The following ALMS1 variants were observed in gnomAD, a reference collection of about 807,000 sequenced individuals.
The protein encoded by ALMS1 is centrosome-associated protein ALMS1.
In ALMS1, 271 loss-of-function variants were observed where a neutral mutation model predicts 352.2. The ratio of observed to expected loss-of-function variants is 0.77; its 90% CI spans 0.70 to 0.85. The LOEUF is 0.85. ALMS1 is among the 40% of genes least tolerant of loss of function. ALMS1 has a pLI of 0.00. For synonymous variants in ALMS1, 1,865 were observed against 1,761.2 expected (o/e 1.06, Z -1.48); for missense variants, 5,445 against 4,870.7 (o/e 1.12, Z -3.51).
intron 10 of ALMS1, among the ~76,000 whole-genome samples, chr2:73,514,470 G>A (rs1055834643): frequency 6.6e-6 from 1 of 151,854 alleles, no homozygotes. Context: ...TTGTGCTTTT[G>A]TTGTCATATA....
At position 73,450,287 on chromosome 2, in the gene ALMS1, C is replaced by T. The variant is rs1437977599; in HGVS notation, c.3760C>T (p.Pro1254Ser). The T allele has an allele frequency of 6.2e-7, 1 of 1,613,868 alleles. No individual in the cohort carries two copies. The highest frequency in any genetic ancestry group is 1.1e-5 in the South Asian group (1 of 91,066). Reference protein sequence around the residue: ...KPGIFYQQVLPDNHPTEEALK... With the variant: ...KPGIFYQQVLSDNHPTEEALK... ...TGGTATTTTCTACCAACAGGTCTTGCCAGATAATCATCCAACTGAAGAGGC... is the reference window on the plus strand; with the variant it reads ...TGGTATTTTCTACCAACAGGTCTTGTCAGATAATCATCCAACTGAAGAGGC... The change falls in exon 8 of 23, where the codon CCA (proline) becomes TCA (serine). Residue 1254 changes from proline (P) to serine (S), a missense_variant. Transcript: ENST00000613296.
intron 20 of ALMS1, 67 bp downstream of exon 20, chr2:73,602,435 G>C: frequency 1.9e-6 from 3 of 1,596,214 alleles, no homozygotes; most frequent in South Asian, 2.2e-5. Flanking sequence ...CTCTGCTGCA[G>C]AGCCCTGCTA....
intron 9 of ALMS1, among the ~76,000 whole-genome samples, chr2:73,478,467 A>G (rs1004980541): frequency 1.3e-5 from 2 of 152,178 alleles, no homozygotes; most frequent in Non-Finnish European, 2.9e-5. Flanking sequence ...ACTCATGCAT[A>G]CTTTTAAGAG....
At chr2:73,542,277 A>T (rs1168315438) in intron 12 of ALMS1, among the ~76,000 whole-genome samples, 1 of 152,222 alleles carries the variant, frequency 6.6e-6, no homozygotes, top group African/African-American at 2.4e-5. Context: ...CCACATGATT[A>T]TCTCAATAGA....
At position 73,451,213 on chromosome 2, in the gene ALMS1, C is replaced by T. The variant is rs1314976773; in HGVS notation, c.4686C>T (p.Gly1562=). The change falls in exon 8 of 23, where the codon GGC becomes GGT. Residue 1562 remains glycine, a synonymous_variant. Coordinates refer to ENST00000613296, the MANE Select transcript of ALMS1 (RefSeq NM_001378454.1). The part of the protein sequence containing the change: ...SAPGPADQTT[G]IPTITSTSYS... ...CTGGACCAGCTGACCAGACAACTGG[C>T]ATACCAACCATAACCTCTACTTCCT... 1.9e-6 allele frequency: 3 copies of T among 1,612,420 alleles called. No homozygotes were observed. Among genetic ancestry groups the T allele is most frequent in the Admixed American group, 3.3e-5 (2 of 59,854 alleles).
chr2:73,426,388 G>A (rs1036831180), intron 5 of ALMS1, 65 bp from the exon 6 acceptor site: 42 of 1,526,926 alleles, frequency 2.8e-5, no homozygotes, highest in South Asian at 1.3e-4. Flanking sequence ...AAAGTCCTTC[G>A]TGTGTGGGAG....
At chr2:73,399,788 A>G (rs1219890836) in intron 1 of ALMS1, among the ~76,000 whole-genome samples, 1 of 151,992 alleles carries the variant, frequency 6.6e-6, no homozygotes, top group African/African-American at 2.4e-5. Flanking sequence ...TTTTTTGTAG[A>G]TACTCTATGT....
At chr2:73,598,508 T>G (rs1238011112) in intron 16 of ALMS1, among the ~76,000 whole-genome samples, 2 of 152,226 alleles carry the variant, frequency 1.3e-5, no homozygotes, top group African/African-American at 4.8e-5. Context: ...CCCAAAATTC[T>G]GTTACAAGTT....
chr2:73,552,380 G>T (rs11679594), intron 13 of ALMS1, among the ~76,000 whole-genome samples: 1 of 152,058 alleles, frequency 6.6e-6, no homozygotes, highest in Non-Finnish European at 1.5e-5. Context: ...AATCCGTTAC[G>T]TGTTTTCCAC....
intron 21 of ALMS1, among the ~76,000 whole-genome samples, chr2:73,604,506 A>C (rs1675772646): frequency 6.6e-6 from 1 of 152,206 alleles, no homozygotes; most frequent in Admixed American, 6.5e-5. Flanking sequence ...TTCATTGGAC[A>C]CTTGCTTTAA....
intron 1 of ALMS1, among the ~76,000 whole-genome samples, chr2:73,389,662 A>G (rs1670602658): frequency 1.3e-5 from 2 of 152,190 alleles, no homozygotes; most frequent in South Asian, 4.1e-4. Context: ...AATGTGAGAA[A>G]ATTATTTTCC....
chr2:73,414,789 G>C (rs1379009217), intron 2 of ALMS1, among the ~76,000 whole-genome samples: 1 of 151,540 alleles, frequency 6.6e-6, no homozygotes, highest in African/African-American at 2.4e-5. Flanking sequence ...TTAAACCTTA[G>C]AATCAGAATT....
In ALMS1 at chr2:73,484,906, G is replaced by C. The variant is rs188340015; in HGVS notation, c.7675-4728G>C. 7.5e-3 allele frequency among the ~76,000 whole-genome samples: 1,144 copies of C among 152,228 alleles called. 30 individuals are homozygous for C. In the East Asian group the frequency reaches 0.12, roughly 15 times the overall value. ...TCTGCATTCTTCACATAGTTCTCGA[G>C]CCTTGTTTTTCAGCTCCATCAGCTC... is the stretch of plus-strand genomic sequence containing the variant. On this transcript the variant is annotated intron_variant, in intron 9 of 22. Coordinates refer to ENST00000613296, the MANE Select transcript of ALMS1 (RefSeq NM_001378454.1).
chr2:73,521,005 C>T (rs988716081), intron 11 of ALMS1, among the ~76,000 whole-genome samples: 14 of 152,096 alleles, frequency 9.2e-5, no homozygotes, highest in Non-Finnish European at 1.6e-4. Context: ...TCCACCTACA[C>T]ACGTAGATGG....
chr2:73,585,726 C>CTTTTTTTTT (rs58089734), intron 16 of ALMS1, among the ~76,000 whole-genome samples: 12,117 of 118,448 alleles, frequency 0.1, 762 homozygotes, highest in East Asian at 0.17. Flanking sequence ...ACTTCTTGGC[C>CTTTTTTTTT]TTTTTTTTTT....
chr2:73,448,393 C>CTCACATAGAGAGAA lies in ALMS1; in HGVS notation c.1867_1880dup (p.Lys627AsnfsTer20). On this transcript the variant is annotated frameshift_variant, in exon 8 of 23. Transcript: ENST00000613296. LOFTEE classifies it high-confidence loss of function. ...TGTCAACTCTAACCTCTACTTCCTACTCACATAGAGAGAAGCCTGGTACTT... is the reference window on the plus strand; with the variant it reads ...TGTCAACTCTAACCTCTACTTCCTACTCACATAGAGAGAATCACATAGAGAGAAGCCTGGTACTT... 6.2e-7 allele frequency: 1 copy of CTCACATAGAGAGAA among 1,614,076 alleles called. No individual in the cohort carries two copies. Among genetic ancestry groups the CTCACATAGAGAGAA allele is most frequent in the Non-Finnish European group, 8.5e-7 (1 of 1,179,938 alleles).
intron 10 of ALMS1, among the ~76,000 whole-genome samples, 159 bp from the exon 11 acceptor site, chr2:73,519,616 G>A (rs1321849961): frequency 1.3e-5 from 2 of 152,106 alleles, no homozygotes; most frequent in Non-Finnish European, 2.9e-5. Context: ...AAAATAAAGG[G>A]TACTGCTGAA....
rs549258888 is a variant in ALMS1, at chr2:73,600,240, T to C, written c.11669-438T>C. 4.5e-4 allele frequency among the ~76,000 whole-genome samples: 68 copies of C among 152,328 alleles called. 1 individual carries two copies. The highest frequency in any genetic ancestry group is 1.5e-3 in the African/African-American group (62 of 41,580). On this transcript the variant is annotated intron_variant, in intron 17 of 22. Coordinates refer to ENST00000613296, the MANE Select transcript of ALMS1 (RefSeq NM_001378454.1). ...AAGTGGGAAGGAGGATTTTTAGCTA[T>C]TGCCTTTCTATACCTTTTGGTTTCA...
At chr2:73,425,955 T>G (rs1412070014) in intron 5 of ALMS1, among the ~76,000 whole-genome samples, 1 of 152,206 alleles carries the variant, frequency 6.6e-6, no homozygotes, top group African/African-American at 2.4e-5. Flanking sequence ...GTGAAAAATC[T>G]TACAACCAGG....
Sources: gnomAD v4.1 joint callset for allele counts (sites outside exome capture counted in the v4.1 genomes callset) on GRCh38, gnomAD v4.1.1 for gene constraint, MANE v1.5 for transcripts, NCBI Gene and HGNC (gene_info 2026-07-23, HGNC 2026-07-21) for gene names.